Variants in PTPRD observed in about 807,000 individuals in gnomAD.
PTPRD encodes receptor-type tyrosine-protein phosphatase delta.
In PTPRD, 34 loss-of-function variants were observed where a neutral mutation model predicts 214.5. The ratio of observed to expected loss-of-function variants is 0.16; its 90% confidence interval spans 0.12 to 0.21. The LOEUF (loss-of-function observed/expected upper bound fraction) is 0.21, where lower values mean the gene tolerates loss of function less well. Ranked by LOEUF, PTPRD falls within the 10% of genes least tolerant of loss-of-function variation. The probability of loss-of-function intolerance (pLI) is 1.00; values close to 1 mark genes in which losing one functional copy is unlikely to be tolerated. For synonymous variants in PTPRD, 1,128 were observed against 845.7 expected, an observed-to-expected ratio of 1.33 and a Z score of -5.79; for missense variants, 2,545 against 2,398.7, an observed-to-expected ratio of 1.06 and a Z score of -1.27.
intron 8 of PTPRD, among the ~76,000 whole-genome samples, chr9:9,523,103 A>G (rs1312089798): frequency 6.6e-6 from 1 of 152,210 alleles, no homozygotes; most frequent in Non-Finnish European, 1.5e-5. Flanking sequence ...CTGAAAAAAT[A>G]AAATAGGCAA....
At chr9:8,459,920 A>C (rs2096341059) in intron 33 of PTPRD, among the ~76,000 whole-genome samples, 1 of 151,924 alleles carries the variant, frequency 6.6e-6, no homozygotes, top group Non-Finnish European at 1.5e-5. Context: ...TTAATCCTTA[A>C]TTTTTATCTG....
At chr9:10,593,181 TG>T (rs2075906015) in intron 2 of PTPRD, among the ~76,000 whole-genome samples, 1 of 152,096 alleles carries the variant, frequency 6.6e-6, no homozygotes, top group South Asian at 2.1e-4. Flanking sequence ...CCTAAAGCAG[TG>T]CCTCTTAAAC....
intron 2 of PTPRD, among the ~76,000 whole-genome samples, chr9:10,476,878 A>C (rs569924687): frequency 1.3e-5 from 2 of 152,322 alleles, no homozygotes; most frequent in South Asian, 2.1e-4. Flanking sequence ...GACAACAAGC[A>C]ATAGGTAAAG....
At chr9:8,346,555 G>T (rs1181081562) in intron 39 of PTPRD, among the ~76,000 whole-genome samples, 2 of 152,086 alleles carry the variant, frequency 1.3e-5, no homozygotes, top group African/African-American at 4.8e-5. Flanking sequence ...TCCAGCCCAG[G>T]GTGTGAATCA....
At chr9:8,334,332 C>T (rs928621139) in intron 43 of PTPRD, among the ~76,000 whole-genome samples, 31 of 150,826 alleles carry the variant, frequency 2.1e-4, no homozygotes, top group African/African-American at 6.3e-4. Flanking sequence ...TCATAACAAA[C>T]GGTCTCTCAG....
At chr9:10,603,404 T>C (rs2078475386) in intron 2 of PTPRD, among the ~76,000 whole-genome samples, 1 of 151,902 alleles carries the variant, frequency 6.6e-6, no homozygotes, top group Admixed American at 6.6e-5. Flanking sequence ...TTATGATAAC[T>C]TGTGCTCACT....
intron 11 of PTPRD, among the ~76,000 whole-genome samples, chr9:8,807,291 C>T (rs1481374952): frequency 6.6e-6 from 1 of 151,994 alleles, no homozygotes; most frequent in Non-Finnish European, 1.5e-5. Context: ...GAGCCGAGAT[C>T]GCACCACTGC....
At chr9:8,544,353 A>AT (rs2079327214) in intron 14 of PTPRD, among the ~76,000 whole-genome samples, 1 of 151,136 alleles carries the variant, frequency 6.6e-6, no homozygotes, top group African/African-American at 2.4e-5. Context: ...AAGTGCTGGG[A>AT]TTACAGGCAT....
intron 11 of PTPRD, among the ~76,000 whole-genome samples, chr9:8,907,531 A>AT (rs1303243388): frequency 1.5e-3 from 194 of 126,970 alleles, no homozygotes; most frequent in African/African-American, 4.4e-3. Context: ...AAAAAAAAAA[A>AT]AAATATATAT....
At chr9:9,851,732 T>A (rs1189641047) in intron 5 of PTPRD, among the ~76,000 whole-genome samples, 11 of 152,156 alleles carry the variant, frequency 7.2e-5, no homozygotes, top group South Asian at 6.2e-4. Flanking sequence ...GTTAGCCATG[T>A]TTGCACCACT....
chr9:10,083,805 A>G (rs575768382), intron 3 of PTPRD, among the ~76,000 whole-genome samples: 1 of 152,100 alleles, frequency 6.6e-6, no homozygotes. Flanking sequence ...TGCAGTTTAC[A>G]ATAGAGTTCA....
intron 9 of PTPRD, among the ~76,000 whole-genome samples, chr9:9,304,120 C>T (rs1033588515): frequency 6.6e-6 from 1 of 152,046 alleles, no homozygotes; most frequent in African/African-American, 2.4e-5. Context: ...CTCCCATTTT[C>T]CAGGCACTGT....
At chr9:8,969,090 C>T (rs889783592) in intron 11 of PTPRD, among the ~76,000 whole-genome samples, 7 of 152,070 alleles carry the variant, frequency 4.6e-5, no homozygotes, top group African/African-American at 1.2e-4. Flanking sequence ...ACCACTCCTC[C>T]TCCTCATCCC....
At chr9:9,426,651 C>T (rs976470262) in intron 8 of PTPRD, among the ~76,000 whole-genome samples, 1 of 152,176 alleles carries the variant, frequency 6.6e-6, no homozygotes, top group Non-Finnish European at 1.5e-5. Context: ...CTGGAAGGCA[C>T]CTCCCAGTAG....
intron 3 of PTPRD, among the ~76,000 whole-genome samples, chr9:10,105,398 T>A (rs1591315710): frequency 6.6e-6 from 1 of 152,022 alleles, no homozygotes; most frequent in Non-Finnish European, 1.5e-5. Context: ...GTAGAAAAGC[T>A]ACATTTAGAG....
intron 7 of PTPRD, among the ~76,000 whole-genome samples, chr9:9,623,770 C>T (rs1221962728): frequency 1.3e-5 from 2 of 152,172 alleles, no homozygotes; most frequent in African/African-American, 2.4e-5. Flanking sequence ...AAGCATTCCA[C>T]AATACATTGA....
At chr9:10,056,080 G>C (rs71497172) in intron 3 of PTPRD, among the ~76,000 whole-genome samples, 4 of 151,628 alleles carry the variant, frequency 2.6e-5, no homozygotes, top group Non-Finnish European at 4.4e-5. Flanking sequence ...TCTAGCACTT[G>C]GGGAGGCCGA....
chr9:8,799,588 T>C (rs1481572947), intron 11 of PTPRD, among the ~76,000 whole-genome samples: 2 of 152,254 alleles, frequency 1.3e-5, no homozygotes, highest in Non-Finnish European at 2.9e-5. Flanking sequence ...TTGTTATTTC[T>C]TTCCAGAAAT....
chr9:9,415,339 T>C (rs1210392552), intron 8 of PTPRD, among the ~76,000 whole-genome samples: 2 of 151,996 alleles, frequency 1.3e-5, no homozygotes, highest in Admixed American at 1.3e-4. Context: ...CCAGGTGTGG[T>C]GGCATGTGTC....
Sources: gnomAD v4.1 joint callset for allele counts (sites outside exome capture counted in the v4.1 genomes callset) on GRCh38, gnomAD v4.1.1 for gene constraint, MANE v1.5 for transcripts, NCBI Gene and HGNC (gene_info 2026-07-23, HGNC 2026-07-21) for gene names.